The following MAP3K2 variants were observed in gnomAD, a reference collection of about 807,000 sequenced individuals.
The protein encoded by MAP3K2 is mitogen-activated protein kinase kinase kinase 2.
MAP3K2 carries 24 observed loss-of-function variants against 80.3 expected under a neutral mutation model. The ratio of observed to expected loss-of-function variants is 0.30; its 90% CI spans 0.22 to 0.42. The LOEUF (loss-of-function observed/expected upper bound fraction) is 0.42. Among genes scored for constraint, MAP3K2 ranks in the 10% least tolerant of loss-of-function variants. MAP3K2 has a pLI of 1.00. For missense variants in MAP3K2, 608 were observed against 750.1 expected (o/e 0.81, Z 2.21); for synonymous variants, 244 against 253.7 (o/e 0.96, Z 0.36).
chr2:127,372,039 C>G (rs1687074019), intron 1 of MAP3K2, among the ~76,000 whole-genome samples: 1 of 152,150 alleles, frequency 6.6e-6, no homozygotes, highest in Admixed American at 6.5e-5. Flanking sequence ...TGGACTTACT[C>G]TGCCCCGATG....
At chr2:127,363,594 T>C (rs1686924963) in intron 1 of MAP3K2, among the ~76,000 whole-genome samples, 1 of 152,206 alleles carries the variant, frequency 6.6e-6, no homozygotes, top group Non-Finnish European at 1.5e-5. Flanking sequence ...AACCCAAGAC[T>C]AGCCAATTCT....
intron 7 of MAP3K2, among the ~76,000 whole-genome samples, chr2:127,329,396 C>T (rs1018550915): frequency 2.3e-5 from 3 of 131,782 alleles, no homozygotes; most frequent in Non-Finnish European, 4.7e-5. Flanking sequence ...CTTGCTTTGT[C>T]GCCAGGCTGG....
chr2:127,353,040 G>T (rs899643043), intron 1 of MAP3K2, among the ~76,000 whole-genome samples: 12 of 152,046 alleles, frequency 7.9e-5, no homozygotes, highest in Non-Finnish European at 1.6e-4. Flanking sequence ...GCGTGATCTC[G>T]GCTGGCTACA....
Position 127,302,490 on chromosome 2 carries a change from C to A in MAP3K2, c.*5089G>T, listed in dbSNP as rs1685616256. On this transcript the variant is annotated 3_prime_UTR_variant, in exon 17 of 17. Coordinates refer to ENST00000682094, the MANE Select transcript of MAP3K2 (RefSeq NM_001371910.2). ...GCATGCAAACGCACACATACATGCA[C>A]ACATGCACACACTTCACAGAAAAGT... is the stretch of plus-strand genomic sequence containing the variant. 1 of 152,050 alleles carries A rather than the reference C, an allele frequency of 6.6e-6. No homozygotes were observed. Among genetic ancestry groups the A allele is most frequent in the South Asian group, 2.1e-4 (1 of 4,818 alleles). 9.4% of individuals were successfully genotyped at this position (152,050 alleles called of 1,614,324 possible). A position where few individuals can be genotyped will look rare whatever the true frequency, so the allele number is the denominator to read the frequency against.
chr2:127,375,410 ATTTAT>A (rs768988516), intron 1 of MAP3K2, among the ~76,000 whole-genome samples: 1,580 of 126,384 alleles, frequency 0.013, 24 homozygotes, highest in African/African-American at 0.038. Flanking sequence ...TTATTTATTT[ATTTAT>A]TTATTTTTTT....
chr2:127,324,762 A>G (rs1196287513), intron 9 of MAP3K2, among the ~76,000 whole-genome samples: 1 of 152,184 alleles, frequency 6.6e-6, no homozygotes, highest in Non-Finnish European at 1.5e-5. Flanking sequence ...GTGCATTCCC[A>G]CGCAATATTA....
At chr2:127,327,247 G>T (rs1289194750) in intron 7 of MAP3K2, among the ~76,000 whole-genome samples, 4 of 152,130 alleles carry the variant, frequency 2.6e-5, no homozygotes, top group African/African-American at 4.8e-5. Flanking sequence ...TAAACTATGT[G>T]AGCATTTAAG....
At chr2:127,319,911 G>A (rs1282633628) in intron 12 of MAP3K2, among the ~76,000 whole-genome samples, 5 of 150,952 alleles carry the variant, frequency 3.3e-5, no homozygotes, top group African/African-American at 9.7e-5. Flanking sequence ...CCAGCACAAG[G>A]TAATTAGAAG....
At chr2:127,366,902 C>T (rs778178235) in intron 1 of MAP3K2, among the ~76,000 whole-genome samples, 5 of 116,588 alleles carry the variant, frequency 4.3e-5, no homozygotes, top group Non-Finnish European at 8.2e-5. Context: ...GACAGAGTCT[C>T]GCTTTGTCAC....
chr2:127,322,146 A>C lies in MAP3K2; in HGVS notation c.945T>G (p.Ser315Arg). ...TATCATCATACTCTGGGGTAAAGAT[A>C]CTGCTTCCACTACTAGTGCTTAAGG... ...DHSLSTSSGS[S>R]IFTPEYDDSR... The change falls in exon 12 of 17, where the codon AGT becomes AGG. Residue 315 changes from serine to arginine, a missense_variant. Physicochemically the swap from Ser to Arg is moderately radical, Grantham distance 110. Coordinates refer to ENST00000682094, the MANE Select transcript of MAP3K2 (RefSeq NM_001371910.2). The surrounding 1 kb of genome is among the most constrained non-coding windows in gnomAD (Gnocchi z 4.2). 6.2e-7 allele frequency: 1 copy of C among 1,613,782 alleles called. No individual in the cohort carries two copies. Among genetic ancestry groups the C allele is most frequent in the Non-Finnish European group, 8.5e-7 (1 of 1,179,714 alleles).
intron 15 of MAP3K2, 61 bp downstream of exon 15, chr2:127,314,693 T>C: frequency 7.6e-7 from 1 of 1,315,874 alleles, no homozygotes; most frequent in African/African-American, 1.5e-5. Context: ...CCCACATCAC[T>C]TGTTTCATTC....
chr2:127,348,350 T>C (rs1392775053), intron 1 of MAP3K2, among the ~76,000 whole-genome samples: 2 of 152,132 alleles, frequency 1.3e-5, no homozygotes, highest in Admixed American at 6.5e-5. Flanking sequence ...ATTACGCCAC[T>C]ACACTCCAGC....
intron 1 of MAP3K2, among the ~76,000 whole-genome samples, chr2:127,368,288 C>T (rs1351218665): frequency 2.0e-5 from 3 of 151,788 alleles, no homozygotes; most frequent in South Asian, 2.1e-4. Context: ...CACCACTGCA[C>T]TCCAGCCTGG....
In MAP3K2 at chr2:127,317,705, C is replaced by T. The variant is rs1376790305; in HGVS notation, c.1250G>A (p.Arg417Gln). 8 of 1,598,942 alleles carry T rather than the reference C, an allele frequency of 5.0e-6. No homozygotes were observed. The highest frequency in any genetic ancestry group is 2.3e-5 in the South Asian group (2 of 88,618). The change falls in exon 14 of 17, where the codon CGA becomes CAA. Residue 417 changes from arginine (R) to glutamine (Q), a missense_variant. Coordinates refer to ENST00000682094, the MANE Select transcript of MAP3K2 (RefSeq NM_001371910.2). ...CAAACAGCCATAATACTGAACAATTCGCTCATGTAGCAAGTTTTTCAGCAA... is the reference window on the plus strand; with the variant it reads ...CAAACAGCCATAATACTGAACAATTTGCTCATGTAGCAAGTTTTTCAGCAA... ...IQLLKNLLHE[R>Q]IVQYYGCLRD...
chr2:127,333,713 A>C (rs1020112112), intron 5 of MAP3K2, among the ~76,000 whole-genome samples: 1 of 152,180 alleles, frequency 6.6e-6, no homozygotes, highest in South Asian at 2.1e-4. Flanking sequence ...ATAATGGTAG[A>C]ACCACTCACA....
intron 1 of MAP3K2, among the ~76,000 whole-genome samples, chr2:127,359,111 A>G (rs982757098): frequency 1.3e-5 from 2 of 152,156 alleles, no homozygotes; most frequent in Non-Finnish European, 2.9e-5. Context: ...ATATTGTAAT[A>G]GCAGATATAC....
rs1558970098 is a variant in MAP3K2 at position 127,302,524 on chromosome 2, TGTG to T, written c.*5052_*5054del. On this transcript the variant is annotated 3_prime_UTR_variant, in exon 17 of 17. Transcript: ENST00000682094. Reference sequence around the variant, plus strand: ...ACACTTCACAGAAAAGTAACTTTTCTGTGAGTATTACCCAAAATGTTAGCTGAG... The same window carrying T: ...ACACTTCACAGAAAAGTAACTTTTCTAGTATTACCCAAAATGTTAGCTGAG... 1.3e-5 allele frequency: 2 copies of T among 152,128 alleles called. No homozygotes were observed. 9.4% of individuals were successfully genotyped at this position (152,128 alleles called of 1,614,324 possible). A position where few individuals can be genotyped will look rare whatever the true frequency, so the allele number is the denominator to read the frequency against.
chr2:127,353,402 G>A (rs1177365179), intron 1 of MAP3K2, among the ~76,000 whole-genome samples: 4 of 151,826 alleles, frequency 2.6e-5, no homozygotes, highest in South Asian at 2.1e-4. Flanking sequence ...CATCTGAGAA[G>A]TGAGGAGACC....
intron 1 of MAP3K2, chr2:127,378,138 T>C: frequency 1.0e-6 from 1 of 981,622 alleles, no homozygotes; most frequent in East Asian, 1.1e-4. Flanking sequence ...ATGACAGACA[T>C]GGAAAATGGA....
Sources: allele counts gnomAD v4.1 joint callset (sites outside exome capture counted in the v4.1 genomes callset), GRCh38; gene constraint gnomAD v4.1.1; non-coding constraint Gnocchi (gnomAD v3.1); transcripts MANE v1.5; gene names NCBI Gene and HGNC (gene_info 2026-07-23, HGNC 2026-07-21).